Variants in MYT1L observed in about 807,000 individuals in gnomAD.
MYT1L encodes the protein myelin transcription factor 1-like protein.
Under a neutral mutation model 126.7 loss-of-function variants are expected in MYT1L, and 12 were observed. The ratio of observed to expected loss-of-function variants is 0.09; its 90% CI spans 0.06 to 0.15. The LOEUF is 0.15. Among genes scored for constraint, MYT1L ranks in the 10% least tolerant of loss-of-function variants. The pLI is 1.00. For synonymous variants in MYT1L, 541 were observed against 604.2 expected (o/e 0.90, Z 1.53); for missense variants, 979 against 1,585.2 (o/e 0.62, Z 6.49).
At chr2:2,274,506 T>C (rs1002389607) in intron 2 of MYT1L, among the ~76,000 whole-genome samples, 1 of 152,178 alleles carries the variant, frequency 6.6e-6, no homozygotes, top group African/African-American at 2.4e-5. Flanking sequence ...TAATCACTCA[T>C]AATATGTGAA....
intron 4 of MYT1L, among the ~76,000 whole-genome samples, chr2:2,017,050 G>A (rs2149800286): frequency 6.6e-6 from 1 of 152,342 alleles, no homozygotes; most frequent in African/African-American, 2.4e-5. Context: ...CTGAAAGACA[G>A]CCAGGTGGGG....
chr2:2,234,041 TCTA>T (rs2094223522), intron 2 of MYT1L, among the ~76,000 whole-genome samples: 1 of 152,228 alleles, frequency 6.6e-6, no homozygotes, highest in African/African-American at 2.4e-5. Context: ...GTGAAATCAA[TCTA>T]CTATGAAAGT....
chr2:2,070,341 G>A (rs772995001), intron 3 of MYT1L, among the ~76,000 whole-genome samples: 8 of 152,060 alleles, frequency 5.3e-5, no homozygotes, highest in South Asian at 2.1e-4. Flanking sequence ...CCTGCGTTGC[G>A]ACACCACCTC....
At chr2:2,066,078 A>G (rs1360386947) in intron 3 of MYT1L, among the ~76,000 whole-genome samples, 1 of 152,154 alleles carries the variant, frequency 6.6e-6, no homozygotes, top group Non-Finnish European at 1.5e-5. Flanking sequence ...AAAAAAGCCC[A>G]GCTCAAATAC....
chr2:2,083,939 AG>A (rs1415207409), intron 3 of MYT1L, among the ~76,000 whole-genome samples: 1 of 150,612 alleles, frequency 6.6e-6, no homozygotes, highest in African/African-American at 2.5e-5. Flanking sequence ...AAGGCTACTA[AG>A]GAACAGAAAA....
At chr2:1,797,933 C>CA (rs1245862159) in intron 23 of MYT1L, among the ~76,000 whole-genome samples, 446 of 21,478 alleles carry the variant, frequency 0.021, 9 homozygotes, top group Admixed American at 0.039. Flanking sequence ...TCTCCCCCTT[C>CA]TCCGGCACAG....
At chr2:1,978,941 T>C (rs553506507) in intron 8 of MYT1L, among the ~76,000 whole-genome samples, 117 of 152,240 alleles carry the variant, frequency 7.7e-4, no homozygotes, top group African/African-American at 2.5e-3. Context: ...CCTGAATTTG[T>C]GTCATCCTAA....
intron 14 of MYT1L, among the ~76,000 whole-genome samples, chr2:1,900,090 T>TA (rs1439579214): frequency 1.3e-5 from 2 of 152,212 alleles, no homozygotes; most frequent in Non-Finnish European, 2.9e-5. Flanking sequence ...GACAGGCCCA[T>TA]TTCTCTGCCT....
chr2:2,265,002 T>G (rs2095086486), intron 2 of MYT1L, among the ~76,000 whole-genome samples: 1 of 151,982 alleles, frequency 6.6e-6, no homozygotes, highest in Admixed American at 6.6e-5. Context: ...CAGAACATCT[T>G]GAGCAACTAA....
chr2:1,910,397 A>G lies in MYT1L; in HGVS notation c.1710-50T>C. The stretch of plus-strand genomic sequence containing the variant: ...ATGGTCCCGCCTCAAACACCTTCAC[A>G]GCACACTAATCCTCCCTTAGCACCA... On this transcript the variant is annotated intron_variant, in intron 12 of 24. Coordinates refer to ENST00000647738, the MANE Select transcript of MYT1L (RefSeq NM_001303052.2). The surrounding 1 kb of genome is among the most constrained non-coding windows in gnomAD (Gnocchi z 4.8). 2 of 1,502,856 alleles carry G rather than the reference A, an allele frequency of 1.3e-6. No homozygotes were observed. Among genetic ancestry groups the G allele is most frequent in the South Asian group, 2.3e-5 (2 of 88,196 alleles). 93.1% of individuals were successfully genotyped at this position (1,502,856 alleles called of 1,614,324 possible).
intron 18 of MYT1L, among the ~76,000 whole-genome samples, chr2:1,863,980 G>A (rs1052788553): frequency 2.2e-4 from 34 of 152,086 alleles, no homozygotes; most frequent in Middle Eastern, 3.4e-3. Context: ...CTCAAGGACC[G>A]CTGGGGTCTG....
chr2:2,192,516 A>C (rs1198001841), intron 2 of MYT1L, among the ~76,000 whole-genome samples: 1 of 151,918 alleles, frequency 6.6e-6, no homozygotes, highest in East Asian at 1.9e-4. Context: ...TAAACTTCCC[A>C]GTGCGTACAA....
intron 8 of MYT1L, among the ~76,000 whole-genome samples, chr2:1,948,860 A>C (rs961362211): frequency 2.6e-5 from 4 of 152,260 alleles, no homozygotes; most frequent in Non-Finnish European, 5.9e-5. Context: ...ATGCACTGAC[A>C]GAATGATGTT....
At chr2:2,000,989 A>AG (rs1338715283) in intron 4 of MYT1L, among the ~76,000 whole-genome samples, 2 of 152,254 alleles carry the variant, frequency 1.3e-5, no homozygotes, top group African/African-American at 4.8e-5. Flanking sequence ...GAACAGGTCT[A>AG]GGGTCTTCTC....
intron 8 of MYT1L, among the ~76,000 whole-genome samples, chr2:1,955,882 G>T (rs1237168282): frequency 6.6e-6 from 1 of 152,170 alleles, no homozygotes; most frequent in African/African-American, 2.4e-5. Flanking sequence ...GAAAACCCAT[G>T]AGATTTCTTA....
chr2:2,150,915 CGGAGGGAG>C (rs58722779), intron 3 of MYT1L, among the ~76,000 whole-genome samples: 1 of 133,784 alleles, frequency 7.5e-6, no homozygotes, highest in Non-Finnish European at 1.6e-5. Flanking sequence ...GGGAGGGAGA[CGGAGGGAG>C]GGAGGGAGAT....
At chr2:1,843,223 G>A (rs1394278739) in intron 19 of MYT1L, among the ~76,000 whole-genome samples, 1 of 152,226 alleles carries the variant, frequency 6.6e-6, no homozygotes, top group Non-Finnish European at 1.5e-5. Context: ...CTCACAGTGC[G>A]GCCGCTGCAG....
rs1036418992 is a variant in MYT1L at position 1,888,830 on chromosome 2, C to T, written c.2520+411G>A. Among the ~76,000 whole-genome samples, 10 of 152,214 alleles carry T rather than the reference C, an allele frequency of 6.6e-5. No homozygotes were observed. In the South Asian group the frequency reaches 1.5e-3, roughly 22 times the overall value. ...AGAGAAGGGACACTGTCCTTAGTTT[C>T]GAAGGGCTAGTTAATTAATAGCACA... On this transcript the variant is annotated intron_variant, in intron 16 of 24. Transcript: ENST00000647738.
intron 13 of MYT1L, among the ~76,000 whole-genome samples, chr2:1,904,513 C>T (rs940105943): frequency 5.3e-5 from 8 of 151,610 alleles, no homozygotes; most frequent in South Asian, 2.1e-4. Context: ...GGACTACAGG[C>T]GTGCACCACC....
Sources: allele counts gnomAD v4.1 joint callset (sites outside exome capture counted in the v4.1 genomes callset), GRCh38; gene constraint gnomAD v4.1.1; non-coding constraint Gnocchi (gnomAD v3.1); transcripts MANE v1.5; gene names NCBI Gene and HGNC (gene_info 2026-07-23, HGNC 2026-07-21).